The following EVI5L variants were observed in gnomAD, a reference collection of about 807,000 sequenced individuals.
The protein encoded by EVI5L is ecotropic viral integration site 5 like.
In EVI5L, 30 loss-of-function variants were observed where a neutral mutation model predicts 106.1. That is an observed-to-expected ratio of 0.28 (90% CI 0.21 to 0.38). The LOEUF is 0.38. Ranked by LOEUF, EVI5L falls within the 10% of genes least tolerant of loss-of-function variation. The probability of loss-of-function intolerance (pLI) is 1.00; values close to 1 mark genes in which losing one functional copy is unlikely to be tolerated. For synonymous variants in EVI5L, 489 were observed against 483.3 expected, an observed-to-expected ratio of 1.01 and a Z score of -0.15; for missense variants, 809 against 1,098.0, an observed-to-expected ratio of 0.74 and a Z score of 3.72.
chr19:7,834,706 T>G (rs1263873467), intron 1 of EVI5L, among the ~76,000 whole-genome samples: 1 of 152,250 alleles, frequency 6.6e-6, no homozygotes, highest in Non-Finnish European at 1.5e-5. Context: ...GTAGAACTTT[T>G]CATCCAGAAG....
At chr19:7,852,758 C>T (rs1979320882) in intron 8 of EVI5L, 2 of 305,012 alleles carry the variant, frequency 6.6e-6, no homozygotes, top group Admixed American at 9.6e-5. Context: ...ATGTTGCCCA[C>T]ACTGGTCTCA....
Position 7,857,286 on chromosome 19 carries a change from C to A in EVI5L, c.1233+162C>A. 1 of 890,250 alleles carries A rather than the reference C, an allele frequency of 1.1e-6. No individual in the cohort carries two copies. Among genetic ancestry groups the A allele is most frequent in the Non-Finnish European group, 1.8e-6 (1 of 566,190 alleles). 55.1% of individuals were successfully genotyped at this position (890,250 alleles called of 1,614,324 possible). A position where few individuals can be genotyped will look rare whatever the true frequency, so the allele number is the denominator to read the frequency against. On this transcript the variant is annotated intron_variant, in intron 12 of 19. Coordinates refer to ENST00000538904, the MANE Select transcript of EVI5L (RefSeq NM_001159944.3). The surrounding 1 kb of genome is among the most constrained non-coding windows in gnomAD (Gnocchi z 4.5). Reference sequence around the variant, plus strand: ...GCTTCTGGGGGACACAGAGGCTTCCCGGGGGGGCGGGGCATGTGAAGTGGG... The same window carrying A: ...GCTTCTGGGGGACACAGAGGCTTCCAGGGGGGGCGGGGCATGTGAAGTGGG...
rs375165078 is a variant in EVI5L, at chr19:7,849,986, G to A, written c.628-11G>A. 4.5e-4 allele frequency: 715 copies of A among 1,578,490 alleles called. 2 individuals carry two copies. In the African/African-American group the frequency reaches 8.1e-3, roughly 18 times the overall value. On this transcript the variant is annotated splice_polypyrimidine_tract_variant and intron_variant, in intron 5 of 19. Coordinates refer to ENST00000538904, the MANE Select transcript of EVI5L (RefSeq NM_001159944.3). The stretch of plus-strand genomic sequence containing the variant: ...CTGCCCTGAGCCCCCCCACCTGCCC[G>A]TCCCCCCTAGATGCCTGAGGAGGAG...
Position 7,858,348 on chromosome 19 carries a change from G to A in EVI5L, c.1374+17G>A, listed in dbSNP as rs201781204. 42 of 1,539,120 alleles carry A rather than the reference G, an allele frequency of 2.7e-5. No homozygotes were observed. Among genetic ancestry groups the A allele is most frequent in the Admixed American group, 3.9e-5 (2 of 50,708 alleles). Reference sequence around the variant, plus strand: ...GAGCAGCAGGTAGGGGCGGGTGTGCGGGGCTGCTGGGCGGGGCCATGACCC... The same window carrying A: ...GAGCAGCAGGTAGGGGCGGGTGTGCAGGGCTGCTGGGCGGGGCCATGACCC... On this transcript the variant is annotated intron_variant, in intron 13 of 19. Transcript: ENST00000538904. This position sits in a 1 kb window ranked among gnomAD's most constrained non-coding sequence, Gnocchi z 5.7.
chr19:7,840,045 A>C (rs1978532189), intron 1 of EVI5L, among the ~76,000 whole-genome samples: 1 of 152,210 alleles, frequency 6.6e-6, no homozygotes, highest in Non-Finnish European at 1.5e-5. Context: ...AGGCCTGGCC[A>C]GAGTGGGTGG....
chr19:7,831,494 A>G (rs1978293248), intron 1 of EVI5L, among the ~76,000 whole-genome samples: 1 of 151,742 alleles, frequency 6.6e-6, no homozygotes, highest in Non-Finnish European at 1.5e-5. Flanking sequence ...TTGCCCCTCC[A>G]CCAAACCAGC....
intron 14 of EVI5L, 118 bp downstream of exon 14, chr19:7,860,807 C>T: frequency 8.4e-7 from 1 of 1,195,820 alleles, no homozygotes; most frequent in Non-Finnish European, 1.1e-6. Context: ...CACACACAAC[C>T]ATACATATGC....
chr19:7,840,931 G>A (rs1041817734), intron 1 of EVI5L, among the ~76,000 whole-genome samples: 1 of 152,208 alleles, frequency 6.6e-6, no homozygotes, highest in Non-Finnish European at 1.5e-5. Context: ...GTGAACAGAT[G>A]TTTGCCGTTC....
chr19:7,862,872 C>A, intron 17 of EVI5L, 100 bp from the exon 18 acceptor site: 3 of 816,620 alleles, frequency 3.7e-6, no homozygotes, highest in South Asian at 1.8e-5. Context: ...CGCCTCCGCC[C>A]GCGGCCCCGC....
At chr19:7,846,725 TGG>T in intron 2 of EVI5L, 46 bp downstream of exon 2, 2 of 1,592,794 alleles carry the variant, frequency 1.3e-6, no homozygotes, top group Non-Finnish European at 1.7e-6. Flanking sequence ...GGGTGCAGTC[TGG>T]GCCCCCACAG....
At chr19:7,838,997 A>G (rs1309110501) in intron 1 of EVI5L, among the ~76,000 whole-genome samples, 3 of 141,648 alleles carry the variant, frequency 2.1e-5, no homozygotes, top group Non-Finnish European at 3.2e-5. Context: ...CCCTGTCTCT[A>G]AAAAGAAAAA....
chr19:7,843,570 G>GTGTA (rs146008571), intron 1 of EVI5L, among the ~76,000 whole-genome samples: 2 of 8,360 alleles, frequency 2.4e-4, no homozygotes, highest in African/African-American at 4.8e-4. Flanking sequence ...AGGTATGTGA[G>GTGTA]TGTGAGAATA....
intron 10 of EVI5L, 46 bp from the exon 11 acceptor site, chr19:7,855,969 A>C: frequency 7.6e-7 from 1 of 1,318,832 alleles, no homozygotes; most frequent in Non-Finnish European, 9.8e-7. Flanking sequence ...GCATGTAGAC[A>C]GGCGTGGGGG....
In EVI5L at chr19:7,860,608, G is replaced by A. The variant is rs1419472827; in HGVS notation, c.1422G>A (p.Glu474=). 2 of 1,601,986 alleles carry A rather than the reference G, an allele frequency of 1.2e-6. No homozygotes were observed. The highest frequency in any genetic ancestry group is 8.5e-7 in the Non-Finnish European group (1 of 1,174,628). Residue 474 remains glutamate (E), a synonymous_variant, in exon 14 of 20, where the codon GAG becomes GAA. Coordinates refer to ENST00000538904, the MANE Select transcript of EVI5L (RefSeq NM_001159944.3). Reference sequence around the variant, plus strand: ...ACTTCGTGTCCCACCTGGAGACCGAGCTGGAGCAGTCGAGGCTGCGGGAGA... The same window carrying A: ...ACTTCGTGTCCCACCTGGAGACCGAACTGGAGCAGTCGAGGCTGCGGGAGA... The part of the protein sequence containing the change: ...TEDFVSHLET[E]LEQSRLRETE...
chr19:7,856,038 C>G lies in EVI5L; in HGVS notation c.1170C>G (p.Leu390=), dbSNP rs1445009548. The G allele has an allele frequency of 1.5e-6, 2 of 1,329,172 alleles. No homozygotes were observed. Among genetic ancestry groups the G allele is most frequent in the Non-Finnish European group, 9.7e-7 (1 of 1,029,894 alleles). The allele number at this position is 1,329,172 out of a possible 1,614,324, so 82.3% of individuals were successfully genotyped here. Residue 390 remains leucine (L), a synonymous_variant, in exon 11 of 20, where the codon CTC becomes CTG. Coordinates refer to ENST00000538904, the MANE Select transcript of EVI5L (RefSeq NM_001159944.3). The surrounding 1 kb of genome is among the most constrained non-coding windows in gnomAD (Gnocchi z 6.6). ...AGAGACTTCGGACGGAGAACCGGCT[C>G]CTGAAACAGCGGATTGAAACCCTAG... ...EIKRLRTENR[L]LKQRIETLEK...
chr19:7,844,970 G>C (rs1388247565), intron 1 of EVI5L, among the ~76,000 whole-genome samples: 1 of 152,172 alleles, frequency 6.6e-6, no homozygotes. Context: ...TGGGGGCTGA[G>C]TTTGGGCTGT....
chr19:7,849,682 A>G (rs550134), intron 5 of EVI5L, among the ~76,000 whole-genome samples: 122,067 of 152,036 alleles, frequency 0.8, 49,567 homozygotes, highest in South Asian at 0.87. Context: ...AGAAATCGGG[A>G]GGCTGACAGG....
chr19:7,834,433 G>GA (rs1410114727), intron 1 of EVI5L, among the ~76,000 whole-genome samples: 1 of 152,198 alleles, frequency 6.6e-6, no homozygotes, highest in East Asian at 1.9e-4. Context: ...TGACAAGAAA[G>GA]AAAATTTTTT....
rs929522960 is a variant in EVI5L at position 7,857,880 on chromosome 19, G to A, written c.1234-311G>A. ...GGCATGAATAGGCACAGGTGGCCTC[G>A]CTGTGCCCCTGGATAAGGATCCCAA... On this transcript the variant is annotated intron_variant, in intron 12 of 19. Transcript: ENST00000538904. The surrounding 1 kb of genome is among the most constrained non-coding windows in gnomAD (Gnocchi z 4.5). 8 of 358,224 alleles carry A rather than the reference G, an allele frequency of 2.2e-5. No homozygotes were observed. The highest frequency in any genetic ancestry group is 4.2e-5 in the African/African-American group (2 of 47,436). The allele number at this position is 358,224 out of a possible 1,614,324, so 22.2% of individuals were successfully genotyped here. A position where few individuals can be genotyped will look rare whatever the true frequency, so the allele number is the denominator to read the frequency against.
Sources: allele counts gnomAD v4.1 joint callset (sites outside exome capture counted in the v4.1 genomes callset), GRCh38; gene constraint gnomAD v4.1.1; non-coding constraint Gnocchi (gnomAD v3.1); transcripts MANE v1.5; gene names NCBI Gene and HGNC (gene_info 2026-07-23, HGNC 2026-07-21).